Variants in CFAP221 observed in about 807,000 individuals in gnomAD.
CFAP221 encodes cilia- and flagella-associated protein 221.
CFAP221 carries 97 observed loss-of-function variants against 113.1 expected under a neutral mutation model. The ratio of observed to expected loss-of-function variants is 0.86; its 90% CI spans 0.73 to 1.02. The LOEUF (loss-of-function observed/expected upper bound fraction) is 1.02, where lower values mean the gene tolerates loss of function less well. Ranked by LOEUF, CFAP221 falls within the 50% of genes least tolerant of loss-of-function variation. The pLI, the probability that CFAP221 is intolerant of heterozygous loss-of-function variation, is 0.00. For synonymous variants in CFAP221, 331 were observed against 354.4 expected (o/e 0.93, Z 0.74); for missense variants, 1,025 against 1,013.4 (o/e 1.01, Z -0.16).
Position 119,652,078 on chromosome 2 carries a change from A to G in CFAP221, c.2414+9A>G. 6.3e-7 allele frequency: 1 copy of G among 1,588,984 alleles called. No individual in the cohort carries two copies. Among genetic ancestry groups the G allele is most frequent in the Non-Finnish European group, 8.6e-7 (1 of 1,158,086 alleles). ...GACATCAGGAAGGAGAAGTAAGTGG[A>G]TGCTTTTATGCCTTATTAAAAGGTA... On this transcript the variant is annotated intron_variant, in intron 23 of 23. Coordinates refer to ENST00000413369, the MANE Select transcript of CFAP221 (RefSeq NM_001271049.2).
chr2:119,624,946 C>A (rs1488138286), intron 14 of CFAP221, among the ~76,000 whole-genome samples: 1 of 151,720 alleles, frequency 6.6e-6, no homozygotes, highest in Non-Finnish European at 1.5e-5. Flanking sequence ...GTGTAGCAAA[C>A]TACCATGGCA....
At chr2:119,559,816 G>T (rs923158422) in intron 4 of CFAP221, 41 bp downstream of exon 4, 17 of 1,489,028 alleles carry the variant, frequency 1.1e-5, no homozygotes, top group African/African-American at 7.0e-5. Context: ...CGGTGTGGTT[G>T]TCTGCGTCTC....
intron 6 of CFAP221, among the ~76,000 whole-genome samples, chr2:119,569,370 G>A (rs1017316656): frequency 3.3e-5 from 5 of 151,872 alleles, no homozygotes; most frequent in African/African-American, 7.3e-5. Context: ...CACCCACCTC[G>A]ACCTCCCAAA....
intron 16 of CFAP221, among the ~76,000 whole-genome samples, chr2:119,629,652 G>A (rs565909402): frequency 7.2e-5 from 11 of 152,224 alleles, no homozygotes; most frequent in East Asian, 3.9e-4. Context: ...TGCAGCCTCC[G>A]CAACCACAGA....
chr2:119,603,559 C>T (rs931935627), intron 8 of CFAP221, among the ~76,000 whole-genome samples: 1 of 152,166 alleles, frequency 6.6e-6, no homozygotes, highest in African/African-American at 2.4e-5. Flanking sequence ...TCAGCAAATA[C>T]ATATTAACTG....
chr2:119,627,877 C>G (rs923288416), intron 16 of CFAP221, 91 bp downstream of exon 16: 3 of 1,495,422 alleles, frequency 2.0e-6, no homozygotes, highest in East Asian at 4.6e-5. Context: ...GTCTCAGTCC[C>G]TTCACCTCCT....
At chr2:119,589,917 C>G (rs1232162171) in intron 7 of CFAP221, 1 of 152,102 alleles carries the variant, frequency 6.6e-6, no homozygotes, top group Non-Finnish European at 1.5e-5. Flanking sequence ...TTTGGAAGAG[C>G]CAGCAATGCA....
intron 7 of CFAP221, among the ~76,000 whole-genome samples, chr2:119,589,000 G>A (rs2104622405): frequency 6.6e-6 from 1 of 152,256 alleles, no homozygotes; most frequent in Admixed American, 6.5e-5. Flanking sequence ...CAGTGCAGAA[G>A]AGGAGAATGA....
At chr2:119,615,865 A>G (rs185709697) in intron 14 of CFAP221, among the ~76,000 whole-genome samples, 156 bp downstream of exon 14, 2 of 152,300 alleles carry the variant, frequency 1.3e-5, no homozygotes, top group East Asian at 1.9e-4. Context: ...TAGTATATTT[A>G]TAGAGCTGGG....
At chr2:119,647,495 A>G (rs1360335037) in intron 22 of CFAP221, among the ~76,000 whole-genome samples, 2 of 152,200 alleles carry the variant, frequency 1.3e-5, no homozygotes, top group Non-Finnish European at 2.9e-5. Flanking sequence ...TTTACAATTG[A>G]TGGCTACAGA....
At chr2:119,582,063 A>T (rs1406208148) in intron 6 of CFAP221, among the ~76,000 whole-genome samples, 3 of 152,238 alleles carry the variant, frequency 2.0e-5, no homozygotes, top group Admixed American at 6.5e-5. Flanking sequence ...GGGAAAATAA[A>T]CAGTCAACCT....
intron 14 of CFAP221, among the ~76,000 whole-genome samples, chr2:119,622,562 CA>C (rs935595571): frequency 2.6e-5 from 4 of 151,974 alleles, no homozygotes; most frequent in Admixed American, 6.6e-5. Context: ...AGAGACACAA[CA>C]AAAAAAGAAA....
chr2:119,624,235 A>G (rs777098010), intron 14 of CFAP221, among the ~76,000 whole-genome samples: 1 of 152,236 alleles, frequency 6.6e-6, no homozygotes, highest in African/African-American at 2.4e-5. Flanking sequence ...TTCTCAAAAG[A>G]AGATGTTTAT....
At chr2:119,608,468 G>C (rs1684924937) in intron 11 of CFAP221, 34 bp from the exon 12 acceptor site, 1 of 1,443,872 alleles carries the variant, frequency 6.9e-7, no homozygotes, top group Non-Finnish European at 9.3e-7. Context: ...TATTCTGATG[G>C]GTTCTGGACA....
intron 6 of CFAP221, among the ~76,000 whole-genome samples, chr2:119,564,557 T>G (rs527407833): frequency 2.2e-4 from 34 of 152,228 alleles, no homozygotes; most frequent in Non-Finnish European, 3.5e-4. Context: ...TTTTGATGCA[T>G]GCACATGCAC....
intron 17 of CFAP221, 103 bp downstream of exon 17, chr2:119,630,058 T>G (rs1686658505): frequency 9.9e-7 from 1 of 1,014,116 alleles, no homozygotes; most frequent in Non-Finnish European, 1.5e-6. Flanking sequence ...TTATGGTAGA[T>G]TAGACTGTGT....
At chr2:119,626,533 C>G (rs1314858017) in intron 15 of CFAP221, among the ~76,000 whole-genome samples, 2 of 152,146 alleles carry the variant, frequency 1.3e-5, no homozygotes, top group African/African-American at 2.4e-5. Flanking sequence ...GGGTAGTCAT[C>G]ATTTATACTT....
rs2104674044 is a variant in CFAP221 at position 119,604,699 on chromosome 2, CCTTT to C, written c.822_825del (p.Ser275ArgfsTer3). ...TAGAAGAGTTTGAAAGGTTGAATAC[CCTTT>C]CTAAGAAAGTAAACGTTCCTCCAGA... is the stretch of plus-strand genomic sequence containing the variant. On this transcript the variant is annotated frameshift_variant, in exon 9 of 24. Transcript: ENST00000413369. LOFTEE classifies it high-confidence loss of function. 6.4e-7 allele frequency: 1 copy of C among 1,555,340 alleles called. No individual in the cohort carries two copies. Among genetic ancestry groups the C allele is most frequent in the Non-Finnish European group, 8.6e-7 (1 of 1,156,732 alleles).
intron 4 of CFAP221, 67 bp from the exon 5 acceptor site, chr2:119,559,861 G>T: frequency 6.8e-7 from 1 of 1,477,454 alleles, no homozygotes; most frequent in East Asian, 2.5e-5. Context: ...GTGGTGTGTT[G>T]TCACCCCCGG....
Sources: allele counts gnomAD v4.1 joint callset (sites outside exome capture counted in the v4.1 genomes callset), GRCh38; gene constraint gnomAD v4.1.1; transcripts MANE v1.5; gene names NCBI Gene and HGNC (gene_info 2026-07-23, HGNC 2026-07-21).